SEC14L1: variants seen among roughly 807,000 people sequenced by gnomAD.
SEC14L1 encodes SEC14 like lipid binding 1, also known as SEC14-like protein 1.
SEC14L1 carries 48 observed loss-of-function variants against 85.3 expected under a neutral mutation model. The ratio of observed to expected loss-of-function variants is 0.56; its 90% CI spans 0.45 to 0.72. The LOEUF (loss-of-function observed/expected upper bound fraction) is 0.72. SEC14L1 is among the 30% of genes least tolerant of loss of function. The pLI is 0.00. For synonymous variants in SEC14L1, 391 were observed against 355.5 expected (o/e 1.10, Z -1.12); for missense variants, 682 against 921.4 (o/e 0.74, Z 3.36).
intron 3 of SEC14L1, chr17:77,094,208 AG>A (rs1971585286): frequency 6.6e-6 from 1 of 151,940 alleles, no homozygotes; most frequent in Admixed American, 6.6e-5. Context: ...AGTAGAGACG[AG>A]GTTTCACCAT....
intron 3 of SEC14L1, among the ~76,000 whole-genome samples, chr17:77,104,208 C>CT (rs1469161282): frequency 6.6e-6 from 1 of 150,618 alleles, no homozygotes; most frequent in Non-Finnish European, 1.5e-5. Flanking sequence ...CAACCTCCGC[C>CT]TTCTGGGTTC....
At chr17:77,185,619 T>A (rs1598361976) in intron 3 of SEC14L1, among the ~76,000 whole-genome samples, 1 of 152,204 alleles carries the variant, frequency 6.6e-6, no homozygotes, top group East Asian at 1.9e-4. Flanking sequence ...TTAAAAAGAT[T>A]CATTTTGTTT....
intron 11 of SEC14L1, among the ~76,000 whole-genome samples, chr17:77,205,874 A>C (rs777795556): frequency 1.3e-5 from 2 of 152,144 alleles, no homozygotes; most frequent in Non-Finnish European, 2.9e-5. Context: ...AATATGTGTT[A>C]AAATACCAGC....
intron 3 of SEC14L1, among the ~76,000 whole-genome samples, chr17:77,130,381 G>A (rs1333082035): frequency 6.6e-6 from 1 of 151,410 alleles, no homozygotes; most frequent in Non-Finnish European, 1.5e-5. Flanking sequence ...CAGTGGCGCT[G>A]TCTCGGCTCA....
At chr17:77,177,322 G>A (rs566996890) in intron 3 of SEC14L1, among the ~76,000 whole-genome samples, 2 of 151,230 alleles carry the variant, frequency 1.3e-5, no homozygotes, top group Admixed American at 6.6e-5. Context: ...GTAACAGACA[G>A]TAGAATAATG....
chr17:77,200,356 A>G, intron 8 of SEC14L1, 128 bp from the exon 9 acceptor site: 1 of 657,374 alleles, frequency 1.5e-6, no homozygotes, highest in Non-Finnish European at 2.6e-6. Flanking sequence ...TTTAGTAGAG[A>G]TGGCATTTCA....
intron 3 of SEC14L1, among the ~76,000 whole-genome samples, chr17:77,154,962 C>T (rs1419802797): frequency 6.6e-6 from 1 of 152,148 alleles, no homozygotes; most frequent in Non-Finnish European, 1.5e-5. Flanking sequence ...ATTGTTTGTT[C>T]CTTTTCCTCT....
rs73998646 is a variant in SEC14L1, at chr17:77,191,331, G to A, written c.345+19G>A. ...CTACACCGTGAGTAATCTGTCACTCGGCGGAAGATGTTCTGCCGACATATG... is the reference window on the plus strand; with the variant it reads ...CTACACCGTGAGTAATCTGTCACTCAGCGGAAGATGTTCTGCCGACATATG... On this transcript the variant is annotated intron_variant, in intron 5 of 16. Transcript: ENST00000436233. The A allele has an allele frequency of 0.02, 31,604 of 1,613,236 alleles. 534 individuals carry two copies. The highest frequency in any genetic ancestry group is 0.072 in the African/African-American group (5,403 of 74,928).
At chr17:77,189,810 A>G (rs941540504) in intron 3 of SEC14L1, among the ~76,000 whole-genome samples, 1 of 152,026 alleles carries the variant, frequency 6.6e-6, no homozygotes, top group African/African-American at 2.4e-5. Flanking sequence ...TTGTATCTTT[A>G]GTAGAGACGG....
At chr17:77,098,494 CAAA>C (rs1182105002) in intron 3 of SEC14L1, among the ~76,000 whole-genome samples, 1 of 129,848 alleles carries the variant, frequency 7.7e-6, no homozygotes. Flanking sequence ...GAGACTGTCT[CAAA>C]AAAAAAAAAA....
Position 77,215,411 on chromosome 17 carries a change from T to C in SEC14L1, c.*1388T>C, listed in dbSNP as rs1976987768. 1.0e-6 allele frequency: 1 copy of C among 985,306 alleles called. No homozygotes were observed. Among genetic ancestry groups the C allele is most frequent in the Admixed American group, 6.1e-5 (1 of 16,270 alleles). 61.0% of individuals were successfully genotyped at this position (985,306 alleles called of 1,614,324 possible). On this transcript the variant is annotated 3_prime_UTR_variant, in exon 17 of 17. Coordinates refer to ENST00000436233, the MANE Select transcript of SEC14L1 (RefSeq NM_001143998.2). ...TGCCAAACCCCACGCGGCTGTCAAC[T>C]GTGTGCGTGGTAGGCATGGAGATCC...
chr17:77,159,920 G>C (rs1567901345), intron 3 of SEC14L1, among the ~76,000 whole-genome samples: 2 of 152,250 alleles, frequency 1.3e-5, no homozygotes. Context: ...GGAGGTGGTA[G>C]AGAAGATAGA....
intron 3 of SEC14L1, chr17:77,185,316 G>T: frequency 2.0e-6 from 2 of 985,466 alleles, no homozygotes; most frequent in Non-Finnish European, 2.4e-6. Context: ...GGAGAGGTCA[G>T]TGCAGCTTCT....
Position 77,216,837 on chromosome 17 carries a change from T to G in SEC14L1, c.*2814T>G, listed in dbSNP as rs1414137147. The G allele has an allele frequency of 2.4e-5, 12 of 495,942 alleles. No homozygotes were observed. The allele number at this position is 495,942 out of a possible 1,614,324, so 30.7% of individuals were successfully genotyped here. Reference sequence around the variant, plus strand: ...AATTCTGGGGCAGCTATGGTTTGAGTATGCAGTTTGCATCGTGTTTCTACC... The same window carrying G: ...AATTCTGGGGCAGCTATGGTTTGAGGATGCAGTTTGCATCGTGTTTCTACC... On this transcript the variant is annotated 3_prime_UTR_variant, in exon 17 of 17. Transcript: ENST00000436233.
chr17:77,142,557 CAAAAAAA>C (rs757563624), intron 1 of SEC14L1, 82 bp from the exon 2 acceptor site: 29 of 78,204 alleles, frequency 3.7e-4, no homozygotes, highest in African/African-American at 1.2e-3. Flanking sequence ...CACCCTGTCT[CAAAAAAA>C]AAAAAAAAAA....
At chr17:77,112,991 CTCTT>C (rs1972081562) in intron 3 of SEC14L1, among the ~76,000 whole-genome samples, 1 of 151,940 alleles carries the variant, frequency 6.6e-6, no homozygotes, top group Non-Finnish European at 1.5e-5. Context: ...CAAAGCAAGA[CTCTT>C]TCTCTACAAA....
chr17:77,207,227 G>A (rs537991239), intron 13 of SEC14L1, among the ~76,000 whole-genome samples: 9 of 98,336 alleles, frequency 9.2e-5, no homozygotes, highest in East Asian at 3.0e-4. Context: ...TTTCCCACCC[G>A]CCCCTCCCCG....
Position 77,191,166 on chromosome 17 carries a change from C to CTT in SEC14L1, c.214-6_214-5dup, listed in dbSNP as rs374507200. The CTT allele has an allele frequency of 4.2e-6, 6 of 1,436,400 alleles. No homozygotes were observed. The African/African-American group carries it at 5.7e-5, about 14-fold the overall frequency. The allele number at this position is 1,436,400 out of a possible 1,614,324, so 89.0% of individuals were successfully genotyped here. The stretch of plus-strand genomic sequence containing the variant: ...GTTATTAATAAACCCATTTCTCTTT[C>CTT]TTTTTTTTTTGAAGATTGCAGGAGT... On this transcript the variant is annotated splice_polypyrimidine_tract_variant and intron_variant, in intron 4 of 16. Transcript: ENST00000436233.
intron 3 of SEC14L1, among the ~76,000 whole-genome samples, chr17:77,153,705 G>A (rs975546973): frequency 6.6e-6 from 1 of 152,120 alleles, no homozygotes; most frequent in Non-Finnish European, 1.5e-5. Context: ...GGTCTGAGGT[G>A]TCCAGTTGTG....
Sources: allele counts gnomAD v4.1 joint callset (sites outside exome capture counted in the v4.1 genomes callset), GRCh38; gene constraint gnomAD v4.1.1; transcripts MANE v1.5; gene names NCBI Gene and HGNC (gene_info 2026-07-23, HGNC 2026-07-21).